Variants in LIPC observed in about 807,000 individuals in gnomAD.
LIPC encodes the protein hepatic triacylglycerol lipase.
A neutral mutation model predicts 50.7 loss-of-function variants in LIPC; 44 were observed. That is an observed-to-expected ratio of 0.87 (90% confidence interval 0.68 to 1.11). The LOEUF (loss-of-function observed/expected upper bound fraction) is 1.11. Ranked by LOEUF, LIPC falls within the 50% of genes most tolerant of loss-of-function variation. LIPC has a pLI of 0.00. For synonymous variants in LIPC, 271 were observed against 256.4 expected, an observed-to-expected ratio of 1.06 and a Z score of -0.54; for missense variants, 697 against 648.2, an observed-to-expected ratio of 1.08 and a Z score of -0.82.
At chr15:58,467,372 G>C (rs1324269469) in intron 1 of LIPC, among the ~76,000 whole-genome samples, 2 of 152,100 alleles carry the variant, frequency 1.3e-5, no homozygotes, top group African/African-American at 2.4e-5. Flanking sequence ...AACCGCTCTT[G>C]AGCTCACAGT....
chr15:58,484,914 G>C (rs1891316319), intron 1 of LIPC, among the ~76,000 whole-genome samples: 1 of 152,184 alleles, frequency 6.6e-6, no homozygotes, highest in South Asian at 2.1e-4. Context: ...CGTGGTTCTG[G>C]GTGGGGAAGG....
chr15:58,512,558 C>A (rs995741250), intron 1 of LIPC, among the ~76,000 whole-genome samples: 1 of 152,178 alleles, frequency 6.6e-6, no homozygotes, highest in African/African-American at 2.4e-5. Flanking sequence ...GCTGGGTCTG[C>A]GAGACTACCT....
chr15:58,547,221 T>A (rs920126486), intron 5 of LIPC, among the ~76,000 whole-genome samples: 2 of 152,206 alleles, frequency 1.3e-5, no homozygotes, highest in African/African-American at 4.8e-5. Flanking sequence ...AAAGGGTTCC[T>A]GGGGTAGTTC....
intron 6 of LIPC, among the ~76,000 whole-genome samples, chr15:58,549,518 A>C (rs533377312): frequency 6.6e-6 from 1 of 152,224 alleles, no homozygotes; most frequent in Non-Finnish European, 1.5e-5. Context: ...GCTGGTTATT[A>C]TCCCATTCTA....
intron 1 of LIPC, among the ~76,000 whole-genome samples, chr15:58,448,535 G>T (rs1893782428): frequency 2.0e-5 from 3 of 152,236 alleles, no homozygotes; most frequent in African/African-American, 7.2e-5. Context: ...CAGACCGCAG[G>T]TGCCCTGCTG....
intron 6 of LIPC, among the ~76,000 whole-genome samples, chr15:58,559,151 C>G (rs774149584): frequency 3.3e-5 from 5 of 152,186 alleles, no homozygotes; most frequent in Non-Finnish European, 7.3e-5. Flanking sequence ...AGATGAATTT[C>G]CACATGCTGG....
chr15:58,512,340 C>T (rs765816804), intron 1 of LIPC, among the ~76,000 whole-genome samples: 10 of 152,218 alleles, frequency 6.6e-5, no homozygotes, highest in Non-Finnish European at 1.0e-4. Flanking sequence ...GTCAGGTCAT[C>T]CACCTGCCTC....
At chr15:58,565,224 C>T (rs1894323193) in intron 8 of LIPC, 1 of 1,535,758 alleles carries the variant, frequency 6.5e-7, no homozygotes, top group Non-Finnish European at 8.7e-7. Flanking sequence ...GCTCGCTCCT[C>T]TTCTGCACTG....
At chr15:58,566,160 C>A (rs920593945) in intron 8 of LIPC, 25 of 984,654 alleles carry the variant, frequency 2.5e-5, no homozygotes, top group Middle Eastern at 5.2e-4. Context: ...TGCAGGTCAA[C>A]AGACCACACT....
At chr15:58,495,578 G>T (rs1199950666) in intron 1 of LIPC, among the ~76,000 whole-genome samples, 6 of 152,210 alleles carry the variant, frequency 3.9e-5, no homozygotes, top group Non-Finnish European at 8.8e-5. Flanking sequence ...AAACTTCACA[G>T]CAACGCTGAA....
chr15:58,536,539 C>T (rs1248787717), intron 1 of LIPC, among the ~76,000 whole-genome samples: 1 of 152,064 alleles, frequency 6.6e-6, no homozygotes, highest in Non-Finnish European at 1.5e-5. Flanking sequence ...TTTAGGAAAC[C>T]TGAAGCTTTG....
At chr15:58,553,777 T>C (rs1210328879) in intron 6 of LIPC, among the ~76,000 whole-genome samples, 2 of 152,188 alleles carry the variant, frequency 1.3e-5, no homozygotes, top group Non-Finnish European at 2.9e-5. Context: ...TCGCGCCTGC[T>C]CTGAGTTAAT....
intron 1 of LIPC, chr15:58,522,467 G>A (rs1210374980): frequency 1.3e-5 from 2 of 152,410 alleles, no homozygotes; most frequent in Non-Finnish European, 2.9e-5. Flanking sequence ...AGACACACTG[G>A]AGCCTTGTTC....
chr15:58,546,019 A>T, intron 5 of LIPC, 44 bp downstream of exon 5: 1 of 1,457,866 alleles, frequency 6.9e-7, no homozygotes, highest in Non-Finnish European at 9.6e-7. Context: ...CTACATTTCA[A>T]TGGGGCCTCT....
rs535532942 is a variant in LIPC at position 58,458,377 on chromosome 15, C to G, written c.88+26257C>G. ...CCTCCCCCACCACGTCCTTCTACCT[C>G]TTGCAATTAAAGCACAGCCCAGGCA... On this transcript the variant is annotated intron_variant, in intron 1 of 8. Coordinates refer to ENST00000299022, the MANE Select transcript of LIPC (RefSeq NM_000236.3). 7.9e-5 allele frequency among the ~76,000 whole-genome samples: 12 copies of G among 152,316 alleles called. No individual in the cohort carries two copies. In the East Asian group the frequency reaches 2.3e-3, roughly 29 times the overall value.
In LIPC at chr15:58,495,233, C is replaced by G. The variant is rs183211261; in HGVS notation, c.89-43100C>G. ...GGGCAGGTCACTTCACTGCTCTGAG[C>G]GATTTAGTTCTGGTTTTGAAAGACT... On this transcript the variant is annotated intron_variant, in intron 1 of 8. Transcript: ENST00000299022. Among the ~76,000 whole-genome samples, 3 of 152,322 alleles carry G rather than the reference C, an allele frequency of 2.0e-5. No individual in the cohort carries two copies. The East Asian group carries it at 5.8e-4, about 29-fold the overall frequency.
intron 4 of LIPC, among the ~76,000 whole-genome samples, chr15:58,545,434 G>A (rs1180253166): frequency 6.6e-6 from 1 of 152,058 alleles, no homozygotes; most frequent in Admixed American, 6.5e-5. Flanking sequence ...TTTTAGAGAT[G>A]GGGTTTCACT....
At position 58,465,188 on chromosome 15, in the gene LIPC, A is replaced by G. The variant is rs12594001; in HGVS notation, c.88+33068A>G. On this transcript the variant is annotated intron_variant, in intron 1 of 8. Coordinates refer to ENST00000299022, the MANE Select transcript of LIPC (RefSeq NM_000236.3). Reference sequence around the variant, plus strand: ...AGATTCTGTGTCAAGTGCACCCTACATCTGTCCATGTCACCCCCCTTCTTC... The same window carrying G: ...AGATTCTGTGTCAAGTGCACCCTACGTCTGTCCATGTCACCCCCCTTCTTC... Among the ~76,000 whole-genome samples the G allele has an allele frequency of 7.5e-4, 114 of 152,242 alleles. 1 individual carries two copies. In the East Asian group the frequency reaches 0.02, roughly 27 times the overall value.
At chr15:58,483,389 G>C (rs1012743831) in intron 1 of LIPC, among the ~76,000 whole-genome samples, 1 of 152,100 alleles carries the variant, frequency 6.6e-6, no homozygotes, top group Admixed American at 6.5e-5. Flanking sequence ...CGGATATTTG[G>C]CAAGTAAGCA....
Sources: gnomAD v4.1 joint callset for allele counts (sites outside exome capture counted in the v4.1 genomes callset) on GRCh38, gnomAD v4.1.1 for gene constraint, MANE v1.5 for transcripts, NCBI Gene and HGNC (gene_info 2026-07-23, HGNC 2026-07-21) for gene names.